DIAPH3: variants seen among roughly 807,000 people sequenced by gnomAD.
The protein encoded by DIAPH3 is protein diaphanous homolog 3.
In DIAPH3, 117 loss-of-function variants were observed where a neutral mutation model predicts 144.3. That is an observed-to-expected ratio of 0.81 (90% confidence interval 0.70 to 0.95). The LOEUF (loss-of-function observed/expected upper bound fraction) is 0.95. Among genes scored for constraint, DIAPH3 ranks in the 40% least tolerant of loss-of-function variants. The pLI is 0.00. For synonymous variants in DIAPH3, 519 were observed against 488.9 expected, an observed-to-expected ratio of 1.06 and a Z score of -0.81; for missense variants, 1,421 against 1,412.7, an observed-to-expected ratio of 1.01 and a Z score of -0.09.
intron 18 of DIAPH3, among the ~76,000 whole-genome samples, chr13:59,924,037 T>C (rs1352995412): frequency 6.6e-6 from 1 of 152,222 alleles, no homozygotes; most frequent in Admixed American, 6.5e-5. Context: ...ACCATGTTAA[T>C]TCTTCATCAC....
chr13:60,118,377 C>G (rs947355491), intron 2 of DIAPH3, among the ~76,000 whole-genome samples: 1 of 152,104 alleles, frequency 6.6e-6, no homozygotes, highest in Non-Finnish European at 1.5e-5. Flanking sequence ...TATAATTAGT[C>G]ATCTTACAAT....
intron 22 of DIAPH3, among the ~76,000 whole-genome samples, chr13:59,858,027 G>C (rs2043353326): frequency 6.6e-6 from 1 of 152,146 alleles, no homozygotes; most frequent in African/African-American, 2.4e-5. Flanking sequence ...ATATGATTCT[G>C]ACACCTTTTT....
chr13:59,686,358 A>G (rs1280058932), intron 27 of DIAPH3, among the ~76,000 whole-genome samples: 2 of 152,096 alleles, frequency 1.3e-5, no homozygotes, highest in Non-Finnish European at 1.5e-5. Context: ...TACACCTTTT[A>G]TCTTACACTG....
At chr13:59,916,936 T>C (rs774159756) in intron 18 of DIAPH3, among the ~76,000 whole-genome samples, 26 of 152,286 alleles carry the variant, frequency 1.7e-4, no homozygotes, top group African/African-American at 6.0e-4. Flanking sequence ...TCAACTATTA[T>C]AATGATTTTT....
intron 5 of DIAPH3, among the ~76,000 whole-genome samples, chr13:60,037,307 G>C (rs1479147326): frequency 6.6e-6 from 1 of 151,884 alleles, no homozygotes; most frequent in Admixed American, 6.6e-5. Flanking sequence ...AGAATGATGT[G>C]TGTAGAAACA....
chr13:60,107,840 T>C (rs1386932738), intron 3 of DIAPH3, among the ~76,000 whole-genome samples: 1 of 152,208 alleles, frequency 6.6e-6, no homozygotes, highest in African/African-American at 2.4e-5. Flanking sequence ...GTCAGAATGA[T>C]TTTGGTATCA....
At chr13:59,848,280 G>A (rs1186241667) in intron 22 of DIAPH3, among the ~76,000 whole-genome samples, 1 of 148,044 alleles carries the variant, frequency 6.8e-6, no homozygotes, top group Non-Finnish European at 1.5e-5. Context: ...CTTTTGAGTG[G>A]CTCCTCATCT....
At chr13:59,918,977 CAAAG>C (rs1226775112) in intron 18 of DIAPH3, among the ~76,000 whole-genome samples, 1 of 142,126 alleles carries the variant, frequency 7.0e-6, no homozygotes, top group Non-Finnish European at 1.5e-5. Context: ...TATTTTTTAA[CAAAG>C]AAAACAGTTT....
At chr13:59,777,788 T>C (rs2038501607) in intron 25 of DIAPH3, among the ~76,000 whole-genome samples, 1 of 151,814 alleles carries the variant, frequency 6.6e-6, no homozygotes, top group African/African-American at 2.4e-5. Flanking sequence ...TCATGAAAGA[T>C]AAAGAGAGGA....
intron 20 of DIAPH3, among the ~76,000 whole-genome samples, chr13:59,904,435 T>A (rs1042841545): frequency 8.5e-5 from 13 of 152,116 alleles, no homozygotes; most frequent in African/African-American, 3.1e-4. Context: ...ATACTTTTTT[T>A]AAAAAGTTTT....
chr13:59,959,433 C>A (rs1243537732), intron 17 of DIAPH3, among the ~76,000 whole-genome samples: 1 of 152,128 alleles, frequency 6.6e-6, no homozygotes. Flanking sequence ...GAACTTTGCA[C>A]ATGTGATCAA....
intron 17 of DIAPH3, among the ~76,000 whole-genome samples, chr13:59,969,317 C>T (rs974427640): frequency 1.3e-5 from 2 of 152,162 alleles, no homozygotes. Context: ...ACTTTGAAGA[C>T]ATTATAAATC....
intron 27 of DIAPH3, among the ~76,000 whole-genome samples, chr13:59,686,614 C>G (rs977808137): frequency 1.3e-5 from 2 of 151,840 alleles, no homozygotes; most frequent in African/African-American, 2.4e-5. Context: ...TCATTTTTAA[C>G]ATACTTATGT....
intron 21 of DIAPH3, among the ~76,000 whole-genome samples, chr13:59,868,325 C>T (rs2044052359): frequency 6.6e-6 from 1 of 152,046 alleles, no homozygotes; most frequent in African/African-American, 2.4e-5. Context: ...AGAAAGTGAA[C>T]ATGTTTAGAT....
intron 5 of DIAPH3, among the ~76,000 whole-genome samples, chr13:60,036,842 G>A (rs938384665): frequency 6.6e-6 from 1 of 151,922 alleles, no homozygotes; most frequent in Non-Finnish European, 1.5e-5. Flanking sequence ...TGATAGAATA[G>A]GAAATAATAA....
intron 4 of DIAPH3, among the ~76,000 whole-genome samples, chr13:60,045,745 C>T (rs1016825082): frequency 1.3e-5 from 2 of 152,142 alleles, no homozygotes; most frequent in South Asian, 4.1e-4. Context: ...GAAAAACTTG[C>T]AATTTGGGTA....
intron 9 of DIAPH3, among the ~76,000 whole-genome samples, chr13:59,998,402 TG>T (rs1253640693): frequency 2.6e-5 from 4 of 152,140 alleles, no homozygotes; most frequent in Admixed American, 1.3e-4. Context: ...AGGGCAGAGG[TG>T]TATTTCACTC....
At chr13:59,912,987 T>A (rs1264907918) in intron 19 of DIAPH3, among the ~76,000 whole-genome samples, 3 of 152,146 alleles carry the variant, frequency 2.0e-5, no homozygotes, top group Non-Finnish European at 4.4e-5. Context: ...ATTAATACTA[T>A]CAAATTGAAT....
At chr13:59,920,469 G>A (rs75789302) in intron 18 of DIAPH3, among the ~76,000 whole-genome samples, 3,740 of 151,618 alleles carry the variant, frequency 0.025, 122 homozygotes, top group African/African-American at 0.085. Flanking sequence ...ACATAATAAA[G>A]TGATCAATTC....
Sources: allele counts gnomAD v4.1 joint callset (sites outside exome capture counted in the v4.1 genomes callset), GRCh38; gene constraint gnomAD v4.1.1; transcripts MANE v1.5; gene names NCBI Gene and HGNC (gene_info 2026-07-23, HGNC 2026-07-21).